MGAT4C: variants seen among roughly 807,000 people sequenced by gnomAD.
MGAT4C encodes MGAT4 family member C.
MGAT4C carries 19 observed loss-of-function variants against 40.1 expected under a neutral mutation model. The ratio of observed to expected loss-of-function variants is 0.47; its 90% CI spans 0.33 to 0.70. MGAT4C has a LOEUF of 0.70. MGAT4C is among the 30% of genes least tolerant of loss of function. The pLI, the probability that MGAT4C is intolerant of heterozygous loss-of-function variation, is 0.02. For synonymous variants in MGAT4C, 181 were observed against 187.1 expected (o/e 0.97, Z 0.27); for missense variants, 491 against 563.2 (o/e 0.87, Z 1.30).
chr12:86,510,988 G>C (rs10858435), intron 2 of MGAT4C, among the ~76,000 whole-genome samples: 3 of 151,570 alleles, frequency 2.0e-5, no homozygotes, highest in African/African-American at 7.3e-5. Flanking sequence ...GCACCAAGCA[G>C]ACCTAATAGA....
At chr12:85,982,198 G>A (rs1288895237) in intron 4 of MGAT4C, among the ~76,000 whole-genome samples, 1 of 151,640 alleles carries the variant, frequency 6.6e-6, no homozygotes, top group Non-Finnish European at 1.5e-5. Flanking sequence ...TTGTTTTTTT[G>A]AAATGGAGTC....
At chr12:86,322,314 T>C (rs1954412767) in intron 4 of MGAT4C, among the ~76,000 whole-genome samples, 1 of 151,560 alleles carries the variant, frequency 6.6e-6, no homozygotes. Flanking sequence ...ATGGCACATG[T>C]ATACATATGT....
At chr12:86,711,729 T>C (rs1950559065) in intron 2 of MGAT4C, among the ~76,000 whole-genome samples, 1 of 152,166 alleles carries the variant, frequency 6.6e-6, no homozygotes, top group Admixed American at 6.6e-5. Context: ...GCTAATATAT[T>C]AAATTACACA....
chr12:85,994,966 T>G (rs1886443111), intron 2 of MGAT4C, among the ~76,000 whole-genome samples: 2 of 152,144 alleles, frequency 1.3e-5, no homozygotes, highest in Admixed American at 6.5e-5. Context: ...AAAGAAAAAG[T>G]AAGAAACCTC....
At chr12:86,749,050 A>G (rs77492363) in intron 1 of MGAT4C, among the ~76,000 whole-genome samples, 4,942 of 151,056 alleles carry the variant, frequency 0.033, 270 homozygotes, top group African/African-American at 0.11. Context: ...TCTGGTTTAC[A>G]TATCGTAAAC....
At chr12:86,200,245 C>A (rs900434024) in intron 1 of MGAT4C, among the ~76,000 whole-genome samples, 4 of 144,848 alleles carry the variant, frequency 2.8e-5, no homozygotes, top group African/African-American at 1.0e-4. Flanking sequence ...TATTGCATTG[C>A]ATTTTATGAA....
intron 2 of MGAT4C, among the ~76,000 whole-genome samples, chr12:86,472,154 A>C (rs144158840): frequency 2.1e-4 from 32 of 152,268 alleles, no homozygotes; most frequent in African/African-American, 7.0e-4. Context: ...GAGTGGAATA[A>C]AATGATAATC....
Position 86,065,711 on chromosome 12 carries a change from G to A in MGAT4C, c.-56-15988C>T, listed in dbSNP as rs147583084. Among the ~76,000 whole-genome samples, 186 of 152,212 alleles carry A rather than the reference G, an allele frequency of 1.2e-3. 2 individuals are homozygous for A. The Middle Eastern group carries it at 0.017, about 14-fold the overall frequency. The stretch of plus-strand genomic sequence containing the variant: ...CATAGTATTGGAAGTTCTTGTCAGG[G>A]CAATCAGGCAAGAGAAAGAAATAAA... On this transcript the variant is annotated intron_variant, in intron 1 of 4. Transcript: ENST00000611864.
intron 1 of MGAT4C, among the ~76,000 whole-genome samples, chr12:86,212,627 G>A (rs562092301): frequency 5.3e-5 from 8 of 151,066 alleles, no homozygotes; most frequent in East Asian, 2.0e-4. Flanking sequence ...GGTGGCTCAC[G>A]CCTGTAATCC....
intron 4 of MGAT4C, among the ~76,000 whole-genome samples, chr12:86,300,173 G>A (rs972576493): frequency 6.6e-6 from 1 of 152,128 alleles, no homozygotes; most frequent in African/African-American, 2.4e-5. Context: ...TTTATTCTCT[G>A]TGCATCCAAT....
chr12:86,367,831 A>C (rs559641474), intron 3 of MGAT4C, among the ~76,000 whole-genome samples: 51 of 144,722 alleles, frequency 3.5e-4, no homozygotes, highest in Admixed American at 1.1e-3. Context: ...AACAAACAAA[A>C]AACAACAACA....
intron 2 of MGAT4C, among the ~76,000 whole-genome samples, chr12:86,628,645 T>A (rs961045250): frequency 8.5e-5 from 13 of 152,054 alleles, no homozygotes; most frequent in Admixed American, 5.2e-4. Flanking sequence ...ACACCCAAAC[T>A]AAGCTTCATA....
At chr12:86,458,115 T>A (rs907774627) in intron 2 of MGAT4C, among the ~76,000 whole-genome samples, 2 of 152,138 alleles carry the variant, frequency 1.3e-5, no homozygotes, top group Non-Finnish European at 2.9e-5. Context: ...AACTATTACC[T>A]TTAAAGGTGA....
intron 2 of MGAT4C, among the ~76,000 whole-genome samples, chr12:86,682,232 GTAGA>G (rs1212151979): frequency 6.6e-6 from 1 of 152,038 alleles, no homozygotes; most frequent in Non-Finnish European, 1.5e-5. Flanking sequence ...AAACCAGGCA[GTAGA>G]TAGGAGTTAA....
chr12:86,262,062 A>G (rs1952669385), intron 4 of MGAT4C, among the ~76,000 whole-genome samples: 1 of 152,076 alleles, frequency 6.6e-6, no homozygotes, highest in Non-Finnish European at 1.5e-5. Flanking sequence ...AATTTAATAT[A>G]GTTTACAATG....
chr12:86,709,856 C>T (rs1950527953), intron 2 of MGAT4C, among the ~76,000 whole-genome samples: 1 of 152,022 alleles, frequency 6.6e-6, no homozygotes, highest in African/African-American at 2.4e-5. Context: ...TTACAAATTG[C>T]CTTTATTTAT....
chr12:86,447,907 C>T (rs1330497286), intron 2 of MGAT4C, among the ~76,000 whole-genome samples: 1 of 152,156 alleles, frequency 6.6e-6, no homozygotes, highest in Admixed American at 6.5e-5. Context: ...ACAAGTGTCA[C>T]TATGGCTGAG....
At position 86,237,890 on chromosome 12, in the gene MGAT4C, G is replaced by A. The variant is rs536960012; in HGVS notation, c.-57+18349C>T. Among the ~76,000 whole-genome samples, 22 of 151,914 alleles carry A rather than the reference G, an allele frequency of 1.4e-4. No individual in the cohort carries two copies. In the South Asian group the frequency reaches 1.7e-3, roughly 11 times the overall value. On this transcript the variant is annotated intron_variant, in intron 1 of 4. Transcript: ENST00000611864. ...ACTAAAGTCTACCCAAATTTTCTTC[G>A]TTCATAATCTGTGGTCTTGGCCTCT...
In MGAT4C at chr12:85,980,107, C is replaced by T; in HGVS notation, c.619G>A (p.Ala207Thr). 1 of 1,613,776 alleles carries T rather than the reference C, an allele frequency of 6.2e-7. No homozygotes were observed. Among genetic ancestry groups the T allele is most frequent in the Non-Finnish European group, 8.5e-7 (1 of 1,179,802 alleles). Residue 207 changes from alanine to threonine, a missense_variant, in exon 5 of 5, where the codon GCT becomes ACT. Physicochemically the swap from Ala to Thr is moderately conservative, Grantham distance 58 (BLOSUM62 0). Transcript: ENST00000611864. ...TTGGCACAAAAATTAAGCAGAAAAG[C>T]ATAATCTACATTTTGCTTGGAACGA... ...KFRSKQNVDY[A>T]FLLNFCANTS...
Sources: allele counts gnomAD v4.1 joint callset (sites outside exome capture counted in the v4.1 genomes callset), GRCh38; gene constraint gnomAD v4.1.1; transcripts MANE v1.5; gene names NCBI Gene and HGNC (gene_info 2026-07-23, HGNC 2026-07-21).